The following SEC16B variants were observed in gnomAD, a reference collection of about 807,000 sequenced individuals.
SEC16B encodes the protein SEC16 homolog B, endoplasmic reticulum export factor.
Under a neutral mutation model 141.8 loss-of-function variants are expected in SEC16B, and 115 were observed. The observed-to-expected ratio is 0.81, with a 90% CI of 0.70 to 0.95. The LOEUF (loss-of-function observed/expected upper bound fraction) is 0.95, where lower values mean the gene tolerates loss of function less well. Among genes scored for constraint, SEC16B ranks in the 40% least tolerant of loss-of-function variants. The probability of loss-of-function intolerance (pLI) is 0.00; values close to 1 mark genes in which losing one functional copy is unlikely to be tolerated. For missense variants in SEC16B, 1,291 were observed against 1,312.3 expected (o/e 0.98, Z 0.25); for synonymous variants, 493 against 492.5 (o/e 1.00, Z -0.01).
intron 1 of SEC16B, among the ~76,000 whole-genome samples, chr1:177,978,742 A>AATAGC (rs76360933): frequency 2.7e-5 from 4 of 146,268 alleles, no homozygotes; most frequent in East Asian, 2.1e-4. Flanking sequence ...TAAATAAATA[A>AATAGC]ATAGCATAGC....
At chr1:177,936,886 A>AGAAC (rs1650883568) in intron 19 of SEC16B, among the ~76,000 whole-genome samples, 1 of 152,180 alleles carries the variant, frequency 6.6e-6, no homozygotes, top group Non-Finnish European at 1.5e-5. Flanking sequence ...TTGGAGAAAG[A>AGAAC]GAACTTGGCC....
chr1:177,939,817 A>G (rs1571313564), intron 17 of SEC16B, 40 bp from the exon 18 acceptor site: 1 of 1,425,324 alleles, frequency 7.0e-7, no homozygotes, highest in Non-Finnish European at 9.6e-7. Context: ...AGCAGCACAA[A>G]GGAAAAACAA....
At chr1:177,960,466 A>G in intron 7 of SEC16B, 63 bp from the exon 8 acceptor site, 1 of 1,182,074 alleles carries the variant, frequency 8.5e-7, no homozygotes, top group Non-Finnish European at 1.2e-6. Flanking sequence ...CTTTCAGTCA[A>G]GTCTAGTGTC....
At chr1:177,977,648 G>A (rs1319954344) in intron 1 of SEC16B, among the ~76,000 whole-genome samples, 1 of 152,152 alleles carries the variant, frequency 6.6e-6, no homozygotes, top group Non-Finnish European at 1.5e-5. Flanking sequence ...TCTGAATAGG[G>A]TAGACAGCCC....
chr1:177,950,574 G>A (rs1652107636), intron 12 of SEC16B, among the ~76,000 whole-genome samples: 1 of 151,994 alleles, frequency 6.6e-6, no homozygotes, highest in African/African-American at 2.4e-5. Flanking sequence ...AAATAGAGAG[G>A]AGAGAGAACA....
At chr1:177,965,312 G>A in intron 3 of SEC16B, 145 bp from the exon 4 acceptor site, 3 of 998,952 alleles carry the variant, frequency 3.0e-6, no homozygotes, top group South Asian at 3.3e-5. Flanking sequence ...AGATAGGTGA[G>A]AGCTAATAAA....
intron 16 of SEC16B, 44 bp downstream of exon 16, chr1:177,941,856 T>C (rs764377514): frequency 1.9e-6 from 3 of 1,595,012 alleles, no homozygotes; most frequent in East Asian, 4.5e-5. Context: ...TTTCTCTGAA[T>C]AGTGAAGATA....
Position 177,960,923 on chromosome 1 carries a change from A to T in SEC16B, c.804T>A (p.Gly268=). 6.2e-7 allele frequency: 1 copy of T among 1,613,940 alleles called. No homozygotes were observed. Among genetic ancestry groups the T allele is most frequent in the Non-Finnish European group, 8.5e-7 (1 of 1,179,842 alleles). The change falls in exon 7 of 26, where the codon GGT becomes GGA. Residue 268 remains glycine, a synonymous_variant. Transcript: ENST00000308284. Reference sequence around the variant, plus strand: ...TGTAGAACTTCATGGGTGCTTTGGGACCAGCTGAGGAGACATCTTCTGACC... The same window carrying T: ...TGTAGAACTTCATGGGTGCTTTGGGTCCAGCTGAGGAGACATCTTCTGACC... ...SPVQADVSSA[G]PKAPMKFYIP...
At chr1:177,936,202 AGGAGGAGCTTGCATGTGGCTG>A in intron 20 of SEC16B, 75 bp downstream of exon 20, 1 of 917,652 alleles carries the variant, frequency 1.1e-6, no homozygotes, top group Non-Finnish European at 1.7e-6. Context: ...TGCAACACTG[AGGAGGAGCTTGCATGTGGCTG>A]GGAAACCAAG....
chr1:177,932,892 A>AATTTGTG, intron 22 of SEC16B, 86 bp from the exon 23 acceptor site: 1 of 1,327,168 alleles, frequency 7.5e-7, no homozygotes, highest in Non-Finnish European at 1.0e-6. Flanking sequence ...CACACTCACG[A>AATTTGTG]TGGCGGCCTT....
At chr1:177,949,410 ACACACACACACACACACAC>A (rs1488472795) in intron 12 of SEC16B, among the ~76,000 whole-genome samples, 23 of 151,578 alleles carry the variant, frequency 1.5e-4, no homozygotes, top group African/African-American at 5.6e-4. Context: ...ACACACACAC[ACACACACACACACACACAC>A]AAAGAAAAAC....
At chr1:177,956,959 CTT>C (rs1175234059) in intron 10 of SEC16B, among the ~76,000 whole-genome samples, 1 of 152,080 alleles carries the variant, frequency 6.6e-6, no homozygotes, top group Non-Finnish European at 1.5e-5. Context: ...GCATTTTTAA[CTT>C]ATGATATTTT....
At chr1:177,939,609 G>T in intron 18 of SEC16B, 93 bp downstream of exon 18, 1 of 1,118,390 alleles carries the variant, frequency 8.9e-7, no homozygotes, top group Non-Finnish European at 1.3e-6. Context: ...ACCCTGGGAA[G>T]CAAAGGGCGA....
Position 177,937,493 on chromosome 1 carries a change from A to C in SEC16B, c.2224T>G (p.Phe742Val). 6.4e-7 allele frequency: 1 copy of C among 1,557,390 alleles called. No individual in the cohort carries two copies. Among genetic ancestry groups the C allele is most frequent in the Non-Finnish European group, 8.7e-7 (1 of 1,153,474 alleles). ...TTTENTFYQD[F>V]SGCQGYSEAP... The stretch of plus-strand genomic sequence containing the variant: ...TCAGAGTAGCCTTGACATCCAGAAA[A>C]GTCCTGGTAGAAAGTGTTTTCTAAG... Residue 742 changes from phenylalanine (F) to valine (V), a missense_variant, in exon 19 of 26, where the codon TTT (phenylalanine) becomes GTT (valine). By Grantham distance (50) the Phe-to-Val change is conservative (BLOSUM62 -1). Transcript: ENST00000308284.
At chr1:177,935,919 T>C (rs561234197) in intron 20 of SEC16B, among the ~76,000 whole-genome samples, 84 of 152,334 alleles carry the variant, frequency 5.5e-4, no homozygotes, top group African/African-American at 2.0e-3. Context: ...ACCACAGATC[T>C]TTCTTTGAAA....
intron 11 of SEC16B, 51 bp downstream of exon 11, chr1:177,954,228 G>T: frequency 7.4e-7 from 1 of 1,356,446 alleles, no homozygotes; most frequent in Non-Finnish European, 1.0e-6. Flanking sequence ...TCCACCTTTG[G>T]TGAGGAGGCC....
intron 18 of SEC16B, among the ~76,000 whole-genome samples, chr1:177,939,432 A>G (rs1651109976): frequency 6.6e-6 from 1 of 152,232 alleles, no homozygotes; most frequent in African/African-American, 2.4e-5. Flanking sequence ...AGAATTGGCT[A>G]ACAATACAGT....
intron 17 of SEC16B, among the ~76,000 whole-genome samples, chr1:177,940,065 G>A (rs954116938): frequency 4.6e-5 from 7 of 152,096 alleles, no homozygotes; most frequent in African/African-American, 9.7e-5. Flanking sequence ...AGATAGAAGG[G>A]GTAGAGGCTG....
At chr1:177,961,211 A>G (rs1217477199) in intron 6 of SEC16B, 1 of 465,486 alleles carries the variant, frequency 2.1e-6, no homozygotes, top group Non-Finnish European at 3.8e-6. Flanking sequence ...TGAGAGGCCA[A>G]GGAGTCTCTG....
Sources: gnomAD v4.1 joint callset for allele counts (sites outside exome capture counted in the v4.1 genomes callset) on GRCh38, gnomAD v4.1.1 for gene constraint, MANE v1.5 for transcripts, NCBI Gene and HGNC (gene_info 2026-07-23, HGNC 2026-07-21) for gene names.